Variants in XKR4 observed in about 807,000 individuals in gnomAD.
XKR4 encodes the protein XK-related protein 4.
Under a neutral mutation model 53.9 loss-of-function variants are expected in XKR4, and 12 were observed. The ratio of observed to expected loss-of-function variants is 0.22; its 90% CI spans 0.14 to 0.36. The LOEUF (loss-of-function observed/expected upper bound fraction) is 0.36, where lower values mean the gene tolerates loss of function less well. Among genes scored for constraint, XKR4 ranks in the 10% least tolerant of loss-of-function variants. The probability of loss-of-function intolerance (pLI) is 1.00; values close to 1 mark genes in which losing one functional copy is unlikely to be tolerated. For synonymous variants in XKR4, 354 were observed against 362.4 expected (o/e 0.98, Z 0.26); for missense variants, 799 against 859.5 (o/e 0.93, Z 0.88).
chr8:55,535,650 G>A lies in XKR4; in HGVS notation c.*11423G>A, dbSNP rs1224977908. 1 of 152,200 alleles carries A rather than the reference G, an allele frequency of 6.6e-6. No homozygotes were observed. Among genetic ancestry groups the A allele is most frequent in the Non-Finnish European group, 1.5e-5 (1 of 68,064 alleles). The allele number at this position is 152,200 out of a possible 1,614,324, so 9.4% of individuals were successfully genotyped here. Reference sequence around the variant, plus strand: ...GTTGGGTCAGAGGGTATCTATTAATGTAGAGGCCCAAGTATGGTGATGAAG... The same window carrying A: ...GTTGGGTCAGAGGGTATCTATTAATATAGAGGCCCAAGTATGGTGATGAAG... On this transcript the variant is annotated 3_prime_UTR_variant, in exon 3 of 3. Transcript: ENST00000327381.
chr8:55,234,660 A>T (rs1433992789), intron 1 of XKR4, among the ~76,000 whole-genome samples: 1 of 152,242 alleles, frequency 6.6e-6, no homozygotes, highest in African/African-American at 2.4e-5. Context: ...AGGTAATTGA[A>T]GCATATTTAT....
intron 2 of XKR4, among the ~76,000 whole-genome samples, chr8:55,445,352 C>T (rs1276703820): frequency 5.9e-5 from 9 of 152,112 alleles, no homozygotes; most frequent in African/African-American, 1.4e-4. Flanking sequence ...CCACCATGCC[C>T]GGCCACATGT....
chr8:55,384,509 GA>G (rs202137476), intron 2 of XKR4, among the ~76,000 whole-genome samples: 3 of 151,860 alleles, frequency 2.0e-5, no homozygotes, highest in Admixed American at 1.3e-4. Flanking sequence ...TACCAGGGGA[GA>G]AAAAAAATAG....
chr8:55,407,341 G>A (rs984467202), intron 2 of XKR4, among the ~76,000 whole-genome samples: 9 of 152,244 alleles, frequency 5.9e-5, no homozygotes, highest in African/African-American at 2.2e-4. Flanking sequence ...CCCCATGGAG[G>A]GAGGAGAAGG....
intron 1 of XKR4, among the ~76,000 whole-genome samples, chr8:55,238,446 G>A (rs930878463): frequency 6.6e-6 from 1 of 152,190 alleles, no homozygotes; most frequent in Admixed American, 6.5e-5. Context: ...GGTGGCAGAG[G>A]CAGAAGAAAA....
chr8:55,306,310 A>G (rs961981106), intron 1 of XKR4, among the ~76,000 whole-genome samples: 1 of 152,204 alleles, frequency 6.6e-6, no homozygotes, highest in African/African-American at 2.4e-5. Flanking sequence ...TCAAGTACAG[A>G]GACACAGCAA....
chr8:55,519,315 A>G (rs1806765412), intron 2 of XKR4, among the ~76,000 whole-genome samples: 1 of 152,196 alleles, frequency 6.6e-6, no homozygotes, highest in South Asian at 2.1e-4. Flanking sequence ...GAAAGAAAAG[A>G]CTGACAGACC....
chr8:55,387,293 T>A (rs1238204255), intron 2 of XKR4, among the ~76,000 whole-genome samples: 1 of 152,190 alleles, frequency 6.6e-6, no homozygotes, highest in Non-Finnish European at 1.5e-5. Context: ...CTCCTGGGGA[T>A]CTGCCATTTC....
At chr8:55,107,966 A>C (rs79457060) in intron 1 of XKR4, among the ~76,000 whole-genome samples, 2,510 of 152,346 alleles carry the variant, frequency 0.016, 60 homozygotes, top group African/African-American at 0.057. Flanking sequence ...TAACATATAT[A>C]TATTTCAAGG....
chr8:55,221,711 C>A (rs1021997915), intron 1 of XKR4, among the ~76,000 whole-genome samples: 2 of 152,230 alleles, frequency 1.3e-5, no homozygotes, highest in African/African-American at 4.8e-5. Flanking sequence ...GACACAAGCT[C>A]TTCCAGGGTG....
At chr8:55,464,714 C>A (rs1805728474) in intron 2 of XKR4, among the ~76,000 whole-genome samples, 2 of 152,158 alleles carry the variant, frequency 1.3e-5, no homozygotes, top group African/African-American at 4.8e-5. Flanking sequence ...TTGCAGATGA[C>A]ATGATTGTAT....
At chr8:55,407,577 G>A (rs1804703733) in intron 2 of XKR4, among the ~76,000 whole-genome samples, 1 of 152,068 alleles carries the variant, frequency 6.6e-6, no homozygotes. Context: ...CAGATGCCCC[G>A]GGCTCAACAT....
chr8:55,361,000 A>T (rs1803895449), intron 2 of XKR4, among the ~76,000 whole-genome samples: 2 of 152,210 alleles, frequency 1.3e-5, no homozygotes, highest in African/African-American at 4.8e-5. Context: ...AATCAGGGCA[A>T]AGCTGAGTCT....
intron 2 of XKR4, among the ~76,000 whole-genome samples, chr8:55,486,760 T>C (rs1161055614): frequency 1.3e-5 from 2 of 152,246 alleles, no homozygotes; most frequent in Non-Finnish European, 2.9e-5. Flanking sequence ...AATTAAGCAA[T>C]TTTCCACCTT....
At chr8:55,238,223 C>G (rs1296164015) in intron 1 of XKR4, among the ~76,000 whole-genome samples, 1 of 152,148 alleles carries the variant, frequency 6.6e-6, no homozygotes, top group Non-Finnish European at 1.5e-5. Context: ...CGCCAAGAGG[C>G]CAATGATACC....
In XKR4 at chr8:55,538,006, T is replaced by C. The variant is rs1252948736; in HGVS notation, c.*13779T>C. The C allele has an allele frequency of 6.6e-6, 1 of 152,228 alleles. No homozygotes were observed. Among genetic ancestry groups the C allele is most frequent in the Non-Finnish European group, 1.5e-5 (1 of 68,044 alleles). The allele number at this position is 152,228 out of a possible 1,614,324, so 9.4% of individuals were successfully genotyped here. The stretch of plus-strand genomic sequence containing the variant: ...TCAGTGATCTTTGGTAGTACGATAA[T>C]CAATGGAATTTATGGTGTCGTAGAA... On this transcript the variant is annotated 3_prime_UTR_variant, in exon 3 of 3. Transcript: ENST00000327381.
At chr8:55,510,413 C>T in intron 2 of XKR4, among the ~76,000 whole-genome samples, 1 of 152,110 alleles carries the variant, frequency 6.6e-6, no homozygotes, top group Non-Finnish European at 1.5e-5. Flanking sequence ...GGGTTTTCAG[C>T]TGGGGAGATA....
intron 1 of XKR4, among the ~76,000 whole-genome samples, chr8:55,268,500 A>G (rs1314452100): frequency 6.6e-6 from 1 of 152,180 alleles, no homozygotes; most frequent in Non-Finnish European, 1.5e-5. Flanking sequence ...GTAGGTAAAA[A>G]TGCCGCATTA....
intron 2 of XKR4, among the ~76,000 whole-genome samples, chr8:55,420,859 T>G (rs1232065665): frequency 2.0e-5 from 3 of 147,178 alleles, no homozygotes; most frequent in Admixed American, 6.6e-5. Context: ...GTTGCTCAGA[T>G]AGTATGATAA....
Sources: gnomAD v4.1 joint callset for allele counts (sites outside exome capture counted in the v4.1 genomes callset) on GRCh38, gnomAD v4.1.1 for gene constraint, MANE v1.5 for transcripts, NCBI Gene and HGNC (gene_info 2026-07-23, HGNC 2026-07-21) for gene names.